DZANK1: variants seen among roughly 807,000 people sequenced by gnomAD.
DZANK1 encodes double zinc ribbon and ankyrin repeat domains 1.
In DZANK1, 91 loss-of-function variants were observed where a neutral mutation model predicts 94.5. That is an observed-to-expected ratio of 0.96 (90% CI 0.81 to 1.15). The LOEUF (loss-of-function observed/expected upper bound fraction) is 1.15, where lower values mean the gene tolerates loss of function less well. Ranked by LOEUF, DZANK1 falls within the 50% of genes most tolerant of loss-of-function variation. The pLI is 0.00. For synonymous variants in DZANK1, 312 were observed against 325.3 expected (o/e 0.96, Z 0.44); for missense variants, 903 against 916.4 (o/e 0.99, Z 0.19).
intron 5 of DZANK1, among the ~76,000 whole-genome samples, chr20:18,453,488 G>C (rs1346501248): frequency 6.6e-6 from 1 of 152,154 alleles, no homozygotes; most frequent in Non-Finnish European, 1.5e-5. Flanking sequence ...TGTTTGGTTA[G>C]ATGCCCCCAT....
At chr20:18,389,107 C>T (rs1204330976) in intron 19 of DZANK1, among the ~76,000 whole-genome samples, 1 of 152,202 alleles carries the variant, frequency 6.6e-6, no homozygotes, top group Non-Finnish European at 1.5e-5. Context: ...GAAAGAACAA[C>T]AGAAGCACAC....
intron 12 of DZANK1, 44 bp downstream of exon 12, chr20:18,414,304 A>C (rs772930299): frequency 6.2e-7 from 1 of 1,606,150 alleles, no homozygotes; most frequent in East Asian, 2.2e-5. Context: ...TCAGAGTTAC[A>C]GCCTCTTCCT....
At chr20:18,392,050 CACG>C (rs1205106729) in intron 17 of DZANK1, among the ~76,000 whole-genome samples, 4 of 152,124 alleles carry the variant, frequency 2.6e-5, no homozygotes, top group Non-Finnish European at 5.9e-5. Flanking sequence ...GTGCCTGGTA[CACG>C]TGTGCTCAAA....
At chr20:18,448,886 A>AT (rs2058987250) in intron 7 of DZANK1, 98 bp downstream of exon 7, 48 of 775,940 alleles carry the variant, frequency 6.2e-5, no homozygotes, top group Middle Eastern at 3.0e-4. Flanking sequence ...AAAAAAAAAA[A>AT]GTTGGAGGTG....
At position 18,394,273 on chromosome 20, in the gene DZANK1, G is replaced by T. The variant is rs766010620; in HGVS notation, c.1689C>A (p.Cys563Ter). The T allele has an allele frequency of 2.5e-6, 4 of 1,613,232 alleles. No individual in the cohort carries two copies. The highest frequency in any genetic ancestry group is 2.7e-5 in the African/African-American group (2 of 74,888). Residue 563 changes from cysteine to a stop codon, truncating the protein, a stop_gained, in exon 16 of 21, where the codon TGC (cysteine) becomes TGA (stop). Coordinates refer to ENST00000262547, the Ensembl canonical transcript of DZANK1. LOFTEE classifies it high-confidence loss of function. ...ACTCACCCCAGCTGGACCTGCTGCC[G>T]CACAGCCCCCCATCACCCTCGGCAG...
intron 9 of DZANK1, 65 bp from the exon 10 acceptor site, chr20:18,427,224 A>C: frequency 7.8e-7 from 1 of 1,278,848 alleles, no homozygotes; most frequent in Admixed American, 1.9e-5. Flanking sequence ...GAAATCATCA[A>C]CCAGTCTTTT....
At chr20:18,418,145 A>G (rs2057587213) in intron 10 of DZANK1, among the ~76,000 whole-genome samples, 1 of 152,090 alleles carries the variant, frequency 6.6e-6, no homozygotes, top group Non-Finnish European at 1.5e-5. Context: ...AAGCAGGTAG[A>G]GTTGCAGCAA....
At chr20:18,438,061 A>G (rs1020913158) in intron 8 of DZANK1, among the ~76,000 whole-genome samples, 2 of 151,808 alleles carry the variant, frequency 1.3e-5, no homozygotes, top group Admixed American at 1.3e-4. Flanking sequence ...TACTAAAAAT[A>G]CAAAAAAATT....
chr20:18,431,887 T>C (rs2058299256), intron 9 of DZANK1, among the ~76,000 whole-genome samples: 2 of 152,214 alleles, frequency 1.3e-5, no homozygotes, highest in South Asian at 2.1e-4. Flanking sequence ...AATTCATTAT[T>C]GATTTCCTCA....
chr20:18,440,433 T>C (rs1346198273), intron 8 of DZANK1, among the ~76,000 whole-genome samples: 4 of 152,218 alleles, frequency 2.6e-5, no homozygotes, highest in Non-Finnish European at 4.4e-5. Context: ...TCAAGTCATA[T>C]TGTCTTCATT....
At chr20:18,415,660 A>T (rs2057458482) in intron 10 of DZANK1, among the ~76,000 whole-genome samples, 1 of 152,168 alleles carries the variant, frequency 6.6e-6, no homozygotes, top group Non-Finnish European at 1.5e-5. Context: ...ACATTCCTTC[A>T]TGGAGATAAC....
chr20:18,466,638 A>G (rs573164697), intron 1 of DZANK1, among the ~76,000 whole-genome samples: 1 of 152,254 alleles, frequency 6.6e-6, no homozygotes, highest in Non-Finnish European at 1.5e-5. Flanking sequence ...AGAGGAAGTA[A>G]TTCGCGAGCG....
At position 18,453,710 on chromosome 20, in the gene DZANK1, C is replaced by T. The variant is rs757145776; in HGVS notation, c.475+21G>A. On this transcript the variant is annotated intron_variant, in intron 5 of 20. Transcript: ENST00000262547. Reference sequence around the variant, plus strand: ...GTGGGTTCAGAATACAAAACCTTGTCTTTGTTCTGTCACATCATACCTGGA... The same window carrying T: ...GTGGGTTCAGAATACAAAACCTTGTTTTTGTTCTGTCACATCATACCTGGA... 2.1e-5 allele frequency: 32 copies of T among 1,556,504 alleles called. No individual in the cohort carries two copies. In the East Asian group the frequency reaches 6.5e-4, roughly 32 times the overall value.
rs563364743 is a variant in DZANK1, at chr20:18,414,423, A to C, written c.1167T>G (p.Cys389Trp). 1.8e-5 allele frequency: 29 copies of C among 1,614,026 alleles called. No individual in the cohort carries two copies. The East Asian group carries it at 6.2e-4, about 35-fold the overall frequency. Residue 389 changes from cysteine (C) to tryptophan (W), a missense_variant, in exon 12 of 21, where the codon TGT becomes TGG. Physicochemically the swap from Cys to Trp is radical, Grantham distance 215 (BLOSUM62 -2). Coordinates refer to ENST00000262547, the Ensembl canonical transcript of DZANK1. ...AGCTAAGTTTCACTAGGGACTTCAC[A>C]CAAATACCACAGGAGCCACAGAATC...
At chr20:18,463,125 G>A (rs1405892240) in intron 2 of DZANK1, among the ~76,000 whole-genome samples, 1 of 152,050 alleles carries the variant, frequency 6.6e-6, no homozygotes, top group Non-Finnish European at 1.5e-5. Flanking sequence ...GCCCACCAAT[G>A]GTGAAATGGA....
chr20:18,450,109 T>C (rs78010942), intron 6 of DZANK1, among the ~76,000 whole-genome samples: 9,570 of 94,162 alleles, frequency 0.1, 322 homozygotes, highest in Non-Finnish European at 0.11. Flanking sequence ...AATAAATAAA[T>C]AAACAAACAA....
intron 10 of DZANK1, 90 bp downstream of exon 10, chr20:18,426,977 C>T: frequency 2.1e-6 from 2 of 952,428 alleles, no homozygotes; most frequent in South Asian, 5.3e-5. Flanking sequence ...TCTCTCTCCC[C>T]AACCCCCTCG....
chr20:18,415,594 C>T, intron 10 of DZANK1, 145 bp from the exon 11 acceptor site: 1 of 906,694 alleles, frequency 1.1e-6, no homozygotes, highest in Non-Finnish European at 1.5e-6. Context: ...GTTTTTTTCC[C>T]AAAGGAGTAC....
chr20:18,441,332 A>C lies in DZANK1; in HGVS notation c.747+2015T>G. 6.6e-6 allele frequency among the ~76,000 whole-genome samples: 1 copy of C among 152,078 alleles called. No individual in the cohort carries two copies. Among genetic ancestry groups the C allele is most frequent in the African/African-American group, 2.4e-5 (1 of 41,396 alleles). On this transcript the variant is annotated intron_variant, in intron 8 of 20. Coordinates refer to ENST00000262547, the Ensembl canonical transcript of DZANK1. The surrounding 1 kb of genome is among the most constrained non-coding windows in gnomAD (Gnocchi z 4.1). The stretch of plus-strand genomic sequence containing the variant: ...AGGACAAGACCAAACCACTTCCAAA[A>C]TCCCATTTCCCAGTTTATTTCCTGG...
Sources: allele counts gnomAD v4.1 joint callset (sites outside exome capture counted in the v4.1 genomes callset), GRCh38; gene constraint gnomAD v4.1.1; non-coding constraint Gnocchi (gnomAD v3.1); transcripts MANE v1.5; gene names NCBI Gene and HGNC (gene_info 2026-07-23, HGNC 2026-07-21).